NXPH1: variants seen among roughly 807,000 people sequenced by gnomAD.
NXPH1 encodes the protein neurexophilin-1.
Under a neutral mutation model 23.7 loss-of-function variants are expected in NXPH1, and 5 were observed. That is an observed-to-expected ratio of 0.21 (90% CI 0.11 to 0.44). The LOEUF (loss-of-function observed/expected upper bound fraction) is 0.44, where lower values mean the gene tolerates loss of function less well. NXPH1 is among the 20% of genes least tolerant of loss of function. The pLI, the probability that NXPH1 is intolerant of heterozygous loss-of-function variation, is 0.99. For missense variants in NXPH1, 324 were observed against 321.6 expected, an observed-to-expected ratio of 1.01 and a Z score of -0.06; for synonymous variants, 144 against 122.2, an observed-to-expected ratio of 1.18 and a Z score of -1.18.
At chr7:8,443,340 A>G (rs1380326406) in intron 2 of NXPH1, among the ~76,000 whole-genome samples, 1 of 152,222 alleles carries the variant, frequency 6.6e-6, no homozygotes, top group East Asian at 1.9e-4. Flanking sequence ...AGTTCATTAA[A>G]TCTACCCCTC....
chr7:8,667,194 C>T lies in NXPH1; in HGVS notation c.55-83814C>T, dbSNP rs1027298762. On this transcript the variant is annotated intron_variant, in intron 2 of 2. Coordinates refer to ENST00000405863, the MANE Select transcript of NXPH1 (RefSeq NM_152745.3). ...TTTTTAAATACTTTTGCATTTTACT[C>T]TTTATACAAGGATATGTGATAATTA... 5.3e-5 allele frequency among the ~76,000 whole-genome samples: 8 copies of T among 152,118 alleles called. No homozygotes were observed. In the South Asian group the frequency reaches 1.7e-3, roughly 32 times the overall value.
chr7:8,603,244 T>C (rs558197177), intron 2 of NXPH1, among the ~76,000 whole-genome samples: 10 of 152,284 alleles, frequency 6.6e-5, no homozygotes, highest in Admixed American at 6.5e-4. Context: ...TGTTGGAACA[T>C]TTTTGAAGGA....
chr7:8,745,182 C>G (rs1215218363), intron 2 of NXPH1, among the ~76,000 whole-genome samples: 6 of 152,278 alleles, frequency 3.9e-5, no homozygotes, highest in Admixed American at 2.0e-4. Flanking sequence ...CAGTAAGAAG[C>G]TATTTTCTTT....
chr7:8,585,784 C>G (rs971179094), intron 2 of NXPH1, among the ~76,000 whole-genome samples: 3 of 152,210 alleles, frequency 2.0e-5, no homozygotes, highest in Non-Finnish European at 4.4e-5. Context: ...GGCAGGCAGA[C>G]AGCCAGCCTT....
At chr7:8,459,385 T>G (rs1209507121) in intron 2 of NXPH1, among the ~76,000 whole-genome samples, 1 of 152,170 alleles carries the variant, frequency 6.6e-6, no homozygotes, top group African/African-American at 2.4e-5. Flanking sequence ...TAACTCTATT[T>G]AGGCAGAATC....
intron 2 of NXPH1, among the ~76,000 whole-genome samples, chr7:8,546,762 AC>A (rs1328549665): frequency 6.6e-6 from 1 of 151,348 alleles, no homozygotes; most frequent in East Asian, 2.0e-4. Flanking sequence ...GTTTCAGTGA[AC>A]TGTCAATTAG....
At chr7:8,488,589 C>T (rs1227321767) in intron 2 of NXPH1, among the ~76,000 whole-genome samples, 5 of 152,036 alleles carry the variant, frequency 3.3e-5, no homozygotes, top group African/African-American at 1.2e-4. Flanking sequence ...TTATTTTGTG[C>T]CTTTTATTCT....
chr7:8,507,905 T>A (rs148000639), intron 2 of NXPH1, among the ~76,000 whole-genome samples: 165 of 152,110 alleles, frequency 1.1e-3, no homozygotes, highest in African/African-American at 3.8e-3. Flanking sequence ...ACAGCCAGAG[T>A]GTTCTATTGA....
chr7:8,666,632 A>T (rs1046374176), intron 2 of NXPH1, among the ~76,000 whole-genome samples: 5 of 152,104 alleles, frequency 3.3e-5, no homozygotes, highest in African/African-American at 1.2e-4. Flanking sequence ...TAGATGTTAG[A>T]ATTCAGCAGT....
rs977426575 is a variant in NXPH1 at position 8,532,926 on chromosome 7, G to A, written c.54+97159G>A. Among the ~76,000 whole-genome samples the A allele has an allele frequency of 3.9e-5, 6 of 152,182 alleles. No individual in the cohort carries two copies. In the East Asian group the frequency reaches 7.8e-4, roughly 20 times the overall value. ...TGAGGCAATGTATGTTAAACATTTA[G>A]CTTAGAGCCTGATAAATAGTGTACT... On this transcript the variant is annotated intron_variant, in intron 2 of 2. Coordinates refer to ENST00000405863, the MANE Select transcript of NXPH1 (RefSeq NM_152745.3).
intron 2 of NXPH1, among the ~76,000 whole-genome samples, chr7:8,490,597 G>T (rs1326438973): frequency 6.6e-6 from 1 of 151,954 alleles, no homozygotes; most frequent in Non-Finnish European, 1.5e-5. Flanking sequence ...GGAGCGCTTT[G>T]CTTCCTGTGA....
chr7:8,736,971 T>C (rs1454342064), intron 2 of NXPH1, among the ~76,000 whole-genome samples: 1 of 152,042 alleles, frequency 6.6e-6, no homozygotes, highest in Non-Finnish European at 1.5e-5. Flanking sequence ...TTTTTTATGC[T>C]TTCCATTTGC....
At chr7:8,533,887 T>C (rs906199624) in intron 2 of NXPH1, among the ~76,000 whole-genome samples, 1 of 152,098 alleles carries the variant, frequency 6.6e-6, no homozygotes, top group Non-Finnish European at 1.5e-5. Flanking sequence ...TTGAAATTCT[T>C]TCTGTGAGCT....
intron 2 of NXPH1, among the ~76,000 whole-genome samples, chr7:8,750,281 G>A (rs750421488): frequency 1.4e-4 from 22 of 152,060 alleles, no homozygotes; most frequent in Non-Finnish European, 3.1e-4. Context: ...TAGTCTAAAG[G>A]GTGTCAGTTG....
chr7:8,519,801 GA>G (rs1049588107), intron 2 of NXPH1, among the ~76,000 whole-genome samples: 6 of 151,710 alleles, frequency 4.0e-5, no homozygotes, highest in South Asian at 2.1e-4. Flanking sequence ...TTGTTAACAA[GA>G]AAAAAATATA....
At chr7:8,690,479 A>G (rs958344074) in intron 2 of NXPH1, 2 of 152,198 alleles carry the variant, frequency 1.3e-5, no homozygotes, top group African/African-American at 4.8e-5. Context: ...TTGGTGATTG[A>G]CCAGGAATGG....
chr7:8,700,960 A>G (rs1187582153), intron 2 of NXPH1, among the ~76,000 whole-genome samples: 1 of 152,128 alleles, frequency 6.6e-6, no homozygotes, highest in Non-Finnish European at 1.5e-5. Flanking sequence ...TGTGAAATTT[A>G]GATGAAGTTA....
rs977062071 is a variant in NXPH1 at position 8,599,460 on chromosome 7, C to T, written c.55-151548C>T. Among the ~76,000 whole-genome samples, 3 of 152,048 alleles carry T rather than the reference C, an allele frequency of 2.0e-5. No individual in the cohort carries two copies. The East Asian group carries it at 5.8e-4, about 29-fold the overall frequency. On this transcript the variant is annotated intron_variant, in intron 2 of 2. Transcript: ENST00000405863. ...TCCTGTCTTCCCCACTTAGTAAGTA[C>T]AATAGTATTCAATTTTCTTGGCTTA...
intron 2 of NXPH1, among the ~76,000 whole-genome samples, chr7:8,642,407 T>G (rs1820331483): frequency 6.6e-6 from 1 of 152,224 alleles, no homozygotes; most frequent in South Asian, 2.1e-4. Flanking sequence ...GACTTTCTTT[T>G]TAAATCACAG....
Sources: allele counts gnomAD v4.1 joint callset (sites outside exome capture counted in the v4.1 genomes callset), GRCh38; gene constraint gnomAD v4.1.1; transcripts MANE v1.5; gene names NCBI Gene and HGNC (gene_info 2026-07-23, HGNC 2026-07-21).